Variants in DLGAP1 observed in about 807,000 individuals in gnomAD.
DLGAP1 encodes disks large-associated protein 1.
DLGAP1 carries 11 observed loss-of-function variants against 90.8 expected under a neutral mutation model. The ratio of observed to expected loss-of-function variants is 0.12; its 90% CI spans 0.08 to 0.20. The LOEUF (loss-of-function observed/expected upper bound fraction) is 0.20, where lower values mean the gene tolerates loss of function less well. Ranked by LOEUF, DLGAP1 falls within the 10% of genes least tolerant of loss-of-function variation. The pLI is 1.00. For synonymous variants in DLGAP1, 558 were observed against 540.7 expected, an observed-to-expected ratio of 1.03 and a Z score of -0.44; for missense variants, 1,050 against 1,333.8, an observed-to-expected ratio of 0.79 and a Z score of 3.31.
At chr18:3,999,757 C>T (rs2074143896) in intron 3 of DLGAP1, among the ~76,000 whole-genome samples, 1 of 152,148 alleles carries the variant, frequency 6.6e-6, no homozygotes, top group Admixed American at 6.5e-5. Flanking sequence ...CTGAGAAGCA[C>T]TTGCCTACAT....
intron 1 of DLGAP1, among the ~76,000 whole-genome samples, chr18:4,276,547 A>C (rs2079420066): frequency 6.6e-6 from 1 of 151,702 alleles, no homozygotes; most frequent in Non-Finnish European, 1.5e-5. Flanking sequence ...GAGGTGGGAG[A>C]CTCACTTTAA....
intron 3 of DLGAP1, among the ~76,000 whole-genome samples, chr18:3,910,972 C>G (rs1374721027): frequency 6.6e-6 from 1 of 152,076 alleles, no homozygotes; most frequent in Non-Finnish European, 1.5e-5. Flanking sequence ...TAGTTCTAAT[C>G]CTGGTTTTGG....
intron 1 of DLGAP1, among the ~76,000 whole-genome samples, chr18:4,384,831 GAAC>G (rs2082198018): frequency 6.6e-6 from 1 of 151,964 alleles, no homozygotes; most frequent in African/African-American, 2.4e-5. Flanking sequence ...TAGTAAACAT[GAAC>G]AACCCCAAAT....
chr18:3,758,423 T>G (rs138465747), intron 5 of DLGAP1, among the ~76,000 whole-genome samples: 1 of 152,170 alleles, frequency 6.6e-6, no homozygotes, highest in African/African-American at 2.4e-5. Flanking sequence ...CAGTTTACAG[T>G]GAATCTCTTG....
At position 4,176,380 on chromosome 18, in the gene DLGAP1, T is replaced by C. The variant is rs2077107515; in HGVS notation, c.-266-25093A>G. ...ACTAGTCATACAGCACCTCCACACA[T>C]CTAAAACCAAGTTTATTTCTATTTC... On this transcript the variant is annotated intron_variant, in intron 1 of 12. Coordinates refer to ENST00000315677, the MANE Select transcript of DLGAP1 (RefSeq NM_004746.4). 2.0e-5 allele frequency among the ~76,000 whole-genome samples: 3 copies of C among 152,300 alleles called. No individual in the cohort carries two copies. In the South Asian group the frequency reaches 6.2e-4, roughly 32 times the overall value.
chr18:4,446,548 T>C (rs2144874256), intron 1 of DLGAP1, among the ~76,000 whole-genome samples: 1 of 152,254 alleles, frequency 6.6e-6, no homozygotes, highest in East Asian at 1.9e-4. Context: ...TTTGCCTAAA[T>C]TTAGAATGTA....
chr18:4,022,376 TTATAATA>T (rs2074626229), intron 2 of DLGAP1, among the ~76,000 whole-genome samples: 1 of 145,466 alleles, frequency 6.9e-6, no homozygotes, highest in Non-Finnish European at 1.5e-5. Flanking sequence ...TATATAATAT[TTATAATA>T]TATATGTTCA....
chr18:4,368,839 T>G lies in DLGAP1; in HGVS notation c.-267+86167A>C, dbSNP rs1053757674. ...TACAAAAATTATTAAAATTCATGGT[T>G]CTCTCTATGTAGATAAAAAGAGATG... On this transcript the variant is annotated intron_variant, in intron 1 of 12. Transcript: ENST00000315677. Among the ~76,000 whole-genome samples, 10 of 150,074 alleles carry G rather than the reference T, an allele frequency of 6.7e-5. 1 individual carries two copies. The highest frequency in any genetic ancestry group is 5.8e-4 in the East Asian group (3 of 5,186).
At chr18:3,921,372 C>T (rs1033344477) in intron 3 of DLGAP1, among the ~76,000 whole-genome samples, 1 of 152,014 alleles carries the variant, frequency 6.6e-6, no homozygotes, top group Non-Finnish European at 1.5e-5. Flanking sequence ...AAAATCACCA[C>T]CAGAGAAACT....
At chr18:4,316,860 C>G (rs2080542033) in intron 1 of DLGAP1, among the ~76,000 whole-genome samples, 1 of 152,178 alleles carries the variant, frequency 6.6e-6, no homozygotes, top group Non-Finnish European at 1.5e-5. Context: ...GTCCATATCC[C>G]TGCTGAGCTC....
At chr18:3,644,401 T>TTTATTTA (rs1555613021) in intron 7 of DLGAP1, among the ~76,000 whole-genome samples, 7,099 of 150,730 alleles carry the variant, frequency 0.047, 230 homozygotes, top group Middle Eastern at 0.083. Context: ...TACTATTTTA[T>TTTATTTA]TTTATTTATT....
intron 1 of DLGAP1, among the ~76,000 whole-genome samples, chr18:4,318,904 G>A (rs2080602373): frequency 6.6e-6 from 1 of 152,166 alleles, no homozygotes; most frequent in Non-Finnish European, 1.5e-5. Context: ...TGGATAGGAG[G>A]AATATGTTCA....
rs111422497 is a variant in DLGAP1, at chr18:4,411,125, C to T, written c.-267+43881G>A. 4.5e-3 allele frequency among the ~76,000 whole-genome samples: 687 copies of T among 152,320 alleles called. 5 individuals carry two copies. Among genetic ancestry groups the T allele is most frequent in the African/African-American group, 0.016 (658 of 41,570 alleles). ...CCTCTGACCAACCTACTTCTCTCAG[C>T]CCCTTGGAGATGGTGTTGCCAAGAG... On this transcript the variant is annotated intron_variant, in intron 1 of 12. Transcript: ENST00000315677.
chr18:4,032,850 T>C (rs967393614), intron 2 of DLGAP1, among the ~76,000 whole-genome samples: 111 of 152,264 alleles, frequency 7.3e-4, no homozygotes, highest in African/African-American at 2.4e-3. Flanking sequence ...TCTCCGTCTC[T>C]GTAAGCTTCT....
chr18:3,690,326 A>T (rs2060851385), intron 7 of DLGAP1, among the ~76,000 whole-genome samples: 1 of 151,896 alleles, frequency 6.6e-6, no homozygotes, highest in South Asian at 2.1e-4. Context: ...GGCTCAAGCG[A>T]TCTGTCCCCT....
intron 2 of DLGAP1, among the ~76,000 whole-genome samples, chr18:4,141,166 T>C (rs1325988198): frequency 3.9e-5 from 6 of 152,078 alleles, no homozygotes; most frequent in Non-Finnish European, 8.8e-5. Flanking sequence ...GGCTGATAAC[T>C]CTTAGATTTT....
At chr18:4,399,384 T>C (rs2082504567) in intron 1 of DLGAP1, among the ~76,000 whole-genome samples, 1 of 152,218 alleles carries the variant, frequency 6.6e-6, no homozygotes, top group African/African-American at 2.4e-5. Context: ...ATTTACCTTA[T>C]ATTAATTACA....
At chr18:4,366,164 A>C (rs1023905802) in intron 1 of DLGAP1, among the ~76,000 whole-genome samples, 2 of 152,176 alleles carry the variant, frequency 1.3e-5, no homozygotes, top group African/African-American at 4.8e-5. Flanking sequence ...ATTTCAATAT[A>C]AAATGGATTT....
chr18:3,832,809 A>G (rs2068102698), intron 4 of DLGAP1, among the ~76,000 whole-genome samples: 1 of 152,172 alleles, frequency 6.6e-6, no homozygotes, highest in Admixed American at 6.5e-5. Context: ...AAGTAGGGGC[A>G]AGAAGGCCCT....
Sources: gnomAD v4.1 joint callset for allele counts (sites outside exome capture counted in the v4.1 genomes callset) on GRCh38, gnomAD v4.1.1 for gene constraint, MANE v1.5 for transcripts, NCBI Gene and HGNC (gene_info 2026-07-23, HGNC 2026-07-21) for gene names.